The following KRT15 variants were observed in gnomAD, a reference collection of about 807,000 sequenced individuals.
The protein encoded by KRT15 is keratin, type I cytoskeletal 15.
A neutral mutation model predicts 46.6 loss-of-function variants in KRT15; 45 were observed. The ratio of observed to expected loss-of-function variants is 0.97; its 90% CI spans 0.76 to 1.24. The LOEUF is 1.24. Ranked by LOEUF, KRT15 falls within the 50% of genes most tolerant of loss-of-function variation. KRT15 has a pLI of 0.00. For missense variants in KRT15, 592 were observed against 588.9 expected (o/e 1.01, Z -0.05); for synonymous variants, 221 against 233.8 (o/e 0.95, Z 0.50).
chr17:41,517,421 G>T, intron 1 of KRT15: 1 of 505,746 alleles, frequency 2.0e-6, no homozygotes, highest in South Asian at 2.1e-5. Context: ...GGGCACGAAA[G>T]ACCAAGGAGG....
intron 3 of KRT15, 31 bp from the exon 4 acceptor site, chr17:41,516,296 G>A (rs369126714): frequency 3.9e-4 from 626 of 1,599,910 alleles, no homozygotes; most frequent in Non-Finnish European, 5.1e-4. Flanking sequence ...ACTTAGAGAC[G>A]GAGAGCAGAA....
Position 41,516,204 on chromosome 17 carries a change from G to T in KRT15, c.800C>A (p.Pro267Gln). Residue 267 changes from proline (P) to glutamine (Q), a missense_variant, in exon 4 of 8, where the codon CCG (proline) becomes CAG (glutamine). By Grantham distance (76) the Pro-to-Gln change is moderately conservative. Transcript: ENST00000254043. ...GQVNVEMDAA[P>Q]GVDLTRVLAE... ...CAGCACACGGGTCAGGTCCACACCC[G>T]GTGCTGCGTCCATCTCCACATTGAC... 1.2e-6 allele frequency: 2 copies of T among 1,614,076 alleles called. No individual in the cohort carries two copies. Among genetic ancestry groups the T allele is most frequent in the Non-Finnish European group, 1.7e-6 (2 of 1,180,018 alleles).
In KRT15 at chr17:41,518,833, G is replaced by T; in HGVS notation, c.-6C>A. On this transcript the variant is annotated 5_prime_UTR_variant, in exon 1 of 8. It adds an upstream start codon to the 5' untranslated region. Transcript: ENST00000254043. ...TGCAGAAATGTGGTGGTCATGGCCA[G>T]GTAGCTGGAGCCCGTGAGTTCTCAG... 6.5e-7 allele frequency: 1 copy of T among 1,531,296 alleles called. No individual in the cohort carries two copies. The highest frequency in any genetic ancestry group is 1.4e-5 in the African/African-American group (1 of 71,992). The allele number at this position is 1,531,296 out of a possible 1,614,324, so 94.9% of individuals were successfully genotyped here.
In KRT15 at chr17:41,516,860, T is replaced by A; in HGVS notation, c.686A>T (p.Gln229Leu). 1 of 1,614,244 alleles carries A rather than the reference T, an allele frequency of 6.2e-7. No homozygotes were observed. Among genetic ancestry groups the A allele is most frequent in the Non-Finnish European group, 8.5e-7 (1 of 1,180,042 alleles). The change falls in exon 3 of 8, where the codon CAG becomes CTG. Residue 229 changes from glutamine to leucine, a missense_variant. Physicochemically the swap from Gln to Leu is moderately radical, Grantham distance 113. Transcript: ENST00000254043. The stretch of plus-strand genomic sequence containing the variant: ...TAGCTCCTCATTCAGGCCCTCGATC[T>A]GCATCTCCAGGTCAGTCCTGGCCAG... ...LTLARTDLEM[Q>L]IEGLNEELAY...
intron 7 of KRT15, 181 bp downstream of exon 7, chr17:41,514,468 C>T (rs1905263359): frequency 1.6e-6 from 1 of 624,336 alleles, no homozygotes; most frequent in Admixed American, 2.9e-5. Context: ...AATAAATCAC[C>T]AGCTGCAATC....
At chr17:41,514,470 G>T in intron 7 of KRT15, 179 bp downstream of exon 7, 1 of 627,218 alleles carries the variant, frequency 1.6e-6, no homozygotes, top group Non-Finnish European at 2.8e-6. Flanking sequence ...TAAATCACCA[G>T]CTGCAATCTC....
At chr17:41,518,213 A>G in intron 1 of KRT15, 117 bp downstream of exon 1, 1 of 1,226,956 alleles carries the variant, frequency 8.2e-7, no homozygotes, top group Admixed American at 2.6e-5. Context: ...ATTACATACC[A>G]GACAGTCATT....
Position 41,515,488 on chromosome 17 carries a change from C to G in KRT15, c.1231G>C (p.Glu411Gln), listed in dbSNP as rs758727161. The G allele has an allele frequency of 3.1e-6, 5 of 1,613,420 alleles. No individual in the cohort carries two copies. The highest frequency in any genetic ancestry group is 4.2e-6 in the Non-Finnish European group (5 of 1,180,022). Residue 411 changes from glutamate (E) to glutamine (Q), a missense_variant, in exon 6 of 8, where the codon GAG becomes CAG. Transcript: ENST00000254043. ...QEIATYRSLL[E>Q]GQDAKMAGIA... Reference sequence around the variant, plus strand: ...GGCGCCTACTTGGCATCCTGGCCCTCGAGCAGGCTGCGGTAAGTAGCGATC... The same window carrying G: ...GGCGCCTACTTGGCATCCTGGCCCTGGAGCAGGCTGCGGTAAGTAGCGATC...
In KRT15 at chr17:41,518,553, C is replaced by T; in HGVS notation, c.275G>A (p.Gly92Asp). The part of the protein sequence containing the change: ...GGGVGGGFGG[G>D]FGGGDGGLLS... Reference sequence around the variant, plus strand: ...GAGACCACCATCGCCACCACCAAAGCCACCACCAAAACCCCCACCAACGCC... The same window carrying T: ...GAGACCACCATCGCCACCACCAAAGTCACCACCAAAACCCCCACCAACGCC... The change falls in exon 1 of 8, where the codon GGC (glycine) becomes GAC (aspartate). Residue 92 changes from glycine (G) to aspartate (D), a missense_variant. Gly to Asp is a moderately conservative substitution (Grantham distance 94). Transcript: ENST00000254043. 6.2e-7 allele frequency: 1 copy of T among 1,614,080 alleles called. No individual in the cohort carries two copies. Among genetic ancestry groups the T allele is most frequent in the Non-Finnish European group, 8.5e-7 (1 of 1,179,996 alleles).
chr17:41,518,279 G>A, intron 1 of KRT15, 51 bp downstream of exon 1: 1 of 1,567,838 alleles, frequency 6.4e-7, no homozygotes, highest in Non-Finnish European at 8.7e-7. Flanking sequence ...TTAGAGCTGT[G>A]TACAGGGTAC....
Position 41,515,873 on chromosome 17 carries a change from G to C in KRT15, c.1026+12C>G, listed in dbSNP as rs200702391. ...CACCCGAGAGGCTGGGATGGGGCGC[G>C]AGTGGCCGTACCATGCTGAGCTGGG... On this transcript the variant is annotated intron_variant, in intron 5 of 7. Transcript: ENST00000254043. 1,132 of 1,613,928 alleles carry C rather than the reference G, an allele frequency of 7.0e-4. 11 individuals carry two copies. The highest frequency in any genetic ancestry group is 6.8e-5 in the Non-Finnish European group (80 of 1,179,898).
chr17:41,513,979 T>C lies in KRT15; in HGVS notation c.*44A>G, dbSNP rs761429493. 2.1e-6 allele frequency: 3 copies of C among 1,426,420 alleles called. No homozygotes were observed. In the South Asian group the frequency reaches 3.4e-5, roughly 16 times the overall value. 88.4% of individuals were successfully genotyped at this position (1,426,420 alleles called of 1,614,324 possible). On this transcript the variant is annotated 3_prime_UTR_variant, in exon 8 of 8. Transcript: ENST00000254043. ...CTGGCCAGTCCTCCACTTGGCCTGATGAGAGTGGGGAGTGGCAAGGGACGT... is the reference window on the plus strand; with the variant it reads ...CTGGCCAGTCCTCCACTTGGCCTGACGAGAGTGGGGAGTGGCAAGGGACGT...
chr17:41,516,871 G>A lies in KRT15; in HGVS notation c.675C>T (p.Asp225=). 2 of 1,614,224 alleles carry A rather than the reference G, an allele frequency of 1.2e-6. No individual in the cohort carries two copies. Among genetic ancestry groups the A allele is most frequent in the Non-Finnish European group, 1.7e-6 (2 of 1,180,036 alleles). The change falls in exon 3 of 8, where the codon GAC becomes GAT. Residue 225 remains aspartate, a synonymous_variant. Coordinates refer to ENST00000254043, the MANE Select transcript of KRT15 (RefSeq NM_002275.4). ...TCAGGCCCTCGATCTGCATCTCCAG[G>A]TCAGTCCTGGCCAGGGTCAGCTCAT... ...VLDELTLART[D]LEMQIEGLNE...
In KRT15 at chr17:41,516,863, A is replaced by G; in HGVS notation, c.683T>C (p.Met228Thr). 6.2e-7 allele frequency: 1 copy of G among 1,614,198 alleles called. No homozygotes were observed. The highest frequency in any genetic ancestry group is 1.7e-5 in the Admixed American group (1 of 60,032). Residue 228 changes from methionine (M) to threonine (T), a missense_variant, in exon 3 of 8, where the codon ATG (methionine) becomes ACG (threonine). Transcript: ENST00000254043. ...CTCCTCATTCAGGCCCTCGATCTGC[A>G]TCTCCAGGTCAGTCCTGGCCAGGGT... ...ELTLARTDLEMQIEGLNEELA... is the reference protein window; with the variant it reads ...ELTLARTDLETQIEGLNEELA...
rs201420219 is a variant in KRT15 at position 41,518,704 on chromosome 17, G to T, written c.124C>A (p.Arg42=). The T allele has an allele frequency of 1.2e-6, 2 of 1,612,056 alleles. No individual in the cohort carries two copies. The highest frequency in any genetic ancestry group is 4.5e-5 in the East Asian group (2 of 44,856). ...GGSLSGGGGS[R]SISASSARFV... ...CTAGCAGAAGAAGCTGAGATACTTCGGCTTCCACCTCCCCCAGAGAGACTC... is the reference window on the plus strand; with the variant it reads ...CTAGCAGAAGAAGCTGAGATACTTCTGCTTCCACCTCCCCCAGAGAGACTC... The change falls in exon 1 of 8, where the codon CGA becomes AGA. Residue 42 remains arginine (R), a synonymous_variant. Coordinates refer to ENST00000254043, the MANE Select transcript of KRT15 (RefSeq NM_002275.4).
chr17:41,515,660 T>C lies in KRT15; in HGVS notation c.1059A>G (p.Thr353=). The C allele has an allele frequency of 6.2e-7, 1 of 1,614,118 alleles. No individual in the cohort carries two copies. Among genetic ancestry groups the C allele is most frequent in the Non-Finnish European group, 8.5e-7 (1 of 1,179,996 alleles). The stretch of plus-strand genomic sequence containing the variant: ...GCAGCTGCGTGGCATAGCGGCACTC[T>C]GTCTCGGCCAGTGAGTTCTCCAGCC... ...KAGLENSLAE[T]ECRYATQLQQ... Residue 353 remains threonine (T), a synonymous_variant, in exon 6 of 8, where the codon ACA becomes ACG. Transcript: ENST00000254043.
Position 41,514,100 on chromosome 17 carries a change from T to C in KRT15, c.1294A>G (p.Ser432Gly). 6.2e-7 allele frequency: 1 copy of C among 1,613,936 alleles called. No individual in the cohort carries two copies. The highest frequency in any genetic ancestry group is 8.5e-7 in the Non-Finnish European group (1 of 1,179,764). ...IREASSGGGGSSSNFHINVEE... is the reference protein window; with the variant it reads ...IREASSGGGGGSSNFHINVEE... The stretch of plus-strand genomic sequence containing the variant: ...ACATTGATGTGGAAATTGCTGCTGC[T>C]ACCACCACCTCCTGAAGAGGCTAGA... The change falls in exon 8 of 8, where the codon AGC (serine) becomes GGC (glycine). Residue 432 changes from serine to glycine, a missense_variant. Transcript: ENST00000254043.
At chr17:41,514,613 T>A (rs777128024) in intron 7 of KRT15, 36 bp downstream of exon 7, 1 of 1,604,586 alleles carries the variant, frequency 6.2e-7, no homozygotes, top group Admixed American at 1.7e-5. Context: ...ACATCTCCCC[T>A]CCCCACCCCA....
rs1452716504 is a variant in KRT15, at chr17:41,518,781, C to G, written c.47G>C (p.Gly16Ala). The G allele has an allele frequency of 6.4e-7, 1 of 1,566,312 alleles. No individual in the cohort carries two copies. Among genetic ancestry groups the G allele is most frequent in the Non-Finnish European group, 8.6e-7 (1 of 1,160,596 alleles). ...LQTSSSTFGG[G>A]STRGGSLLAG... is the part of the protein sequence containing the mutation. ...CAGGAGGGAACCCCCTCGGGTTGAG[C>G]CACCCCCAAAGGTGGAGGAAGAAGT... The change falls in exon 1 of 8, where the codon GGC becomes GCC. Residue 16 changes from glycine to alanine, a missense_variant. Gly to Ala is a moderately conservative substitution (Grantham distance 60). Transcript: ENST00000254043.
Sources: allele counts gnomAD v4.1 joint callset, GRCh38; gene constraint gnomAD v4.1.1; transcripts MANE v1.5; gene names NCBI Gene and HGNC (gene_info 2026-07-23, HGNC 2026-07-21).